The following CLRN1 variants were observed in gnomAD, a reference collection of about 807,000 sequenced individuals.
CLRN1 encodes clarin 1.
Under a neutral mutation model 18.7 loss-of-function variants are expected in CLRN1, and 15 were observed. The ratio of observed to expected loss-of-function variants is 0.80; its 90% CI spans 0.54 to 1.23. The LOEUF is 1.23. Among genes scored for constraint, CLRN1 ranks in the 50% most tolerant of loss-of-function variants. The pLI is 0.00. For missense variants in CLRN1, 311 were observed against 277.5 expected (o/e 1.12, Z -0.86); for synonymous variants, 104 against 102.9 (o/e 1.01, Z -0.07).
At chr3:150,943,162 C>A (rs1022459802) in intron 1 of CLRN1, among the ~76,000 whole-genome samples, 3 of 152,160 alleles carry the variant, frequency 2.0e-5, no homozygotes, top group Non-Finnish European at 4.4e-5. Context: ...GTATCAATGA[C>A]AGAAGTGTAG....
At chr3:150,937,836 G>A (rs1291496463) in intron 2 of CLRN1, among the ~76,000 whole-genome samples, 2 of 152,168 alleles carry the variant, frequency 1.3e-5, no homozygotes, top group African/African-American at 4.8e-5. Flanking sequence ...TTGCTGGCCT[G>A]GTCCAATGGG....
upstream of CLRN1, chr3:150,972,841 C>A (rs1383819329): frequency 8.0e-7 from 1 of 1,253,546 alleles, no homozygotes; most frequent in Non-Finnish European, 1.1e-6. Context: ...GCAACTTCAC[C>A]ATCGACGGTT....
chr3:150,946,365 C>A (rs1216422299), intron 1 of CLRN1, among the ~76,000 whole-genome samples: 1 of 152,162 alleles, frequency 6.6e-6, no homozygotes. Context: ...TTCATGTTCT[C>A]ACTCTTAACC....
At chr3:150,943,403 AGAG>A (rs1166210739) in intron 1 of CLRN1, among the ~76,000 whole-genome samples, 3 of 152,286 alleles carry the variant, frequency 2.0e-5, no homozygotes, top group South Asian at 4.1e-4. Context: ...CAGCCAGTAG[AGAG>A]GAGAAGTGGC....
Position 150,926,905 on chromosome 3 carries a change from A to G in CLRN1, c.*1031T>C, listed in dbSNP as rs1392704891. On this transcript the variant is annotated 3_prime_UTR_variant, in exon 3 of 3. Transcript: ENST00000327047. The stretch of plus-strand genomic sequence containing the variant: ...TCAATTTGATGGGTAATTCAGGGGA[A>G]AAAAAAAGTTGACCTGGGTCATGCT... 1.9e-6 allele frequency: 3 copies of G among 1,613,980 alleles called. No individual in the cohort carries two copies. The highest frequency in any genetic ancestry group is 1.7e-5 in the Admixed American group (1 of 59,988).
At chr3:150,937,367 G>A (rs1010960552) in intron 2 of CLRN1, among the ~76,000 whole-genome samples, 2 of 152,100 alleles carry the variant, frequency 1.3e-5, no homozygotes, top group African/African-American at 4.8e-5. Flanking sequence ...TGACAAATAC[G>A]TGAAATATAT....
rs1008007378 is a variant in CLRN1, at chr3:150,951,558, G to A, written c.254-9797C>T. The stretch of plus-strand genomic sequence containing the variant: ...TCACCATGTTGGCCAGGCTGGTCTC[G>A]AACTCCTGACCTCAAATCATCTTCC... On this transcript the variant is annotated intron_variant, in intron 1 of 2. Coordinates refer to ENST00000327047, the MANE Select transcript of CLRN1 (RefSeq NM_174878.3). Among the ~76,000 whole-genome samples, 19 of 152,134 alleles carry A rather than the reference G, an allele frequency of 1.2e-4. 1 individual carries two copies. Among genetic ancestry groups the A allele is most frequent in the African/African-American group, 4.3e-4 (18 of 41,518 alleles).
chr3:150,941,982 A>C (rs1234655133), intron 1 of CLRN1, among the ~76,000 whole-genome samples: 2 of 152,188 alleles, frequency 1.3e-5, no homozygotes, highest in African/African-American at 4.8e-5. Context: ...AGGAGATTTG[A>C]GGTAATTTAT....
downstream of CLRN1, chr3:150,926,401 T>A: frequency 3.2e-6 from 1 of 314,712 alleles, no homozygotes; most frequent in South Asian, 2.9e-5. Context: ...CTTGTCCTCC[T>A]AGCCCACTCA....
At chr3:150,958,960 T>C (rs1576642675) in intron 1 of CLRN1, among the ~76,000 whole-genome samples, 1 of 152,178 alleles carries the variant, frequency 6.6e-6, no homozygotes, top group Admixed American at 6.5e-5. Context: ...ACATTCCAGA[T>C]GGTGGCAGTA....
At chr3:150,967,600 C>A (rs1413935015) in intron 1 of CLRN1, among the ~76,000 whole-genome samples, 1 of 152,190 alleles carries the variant, frequency 6.6e-6, no homozygotes, top group East Asian at 1.9e-4. Flanking sequence ...CACCCCCATA[C>A]CTGCTTCCAC....
intron 1 of CLRN1, among the ~76,000 whole-genome samples, chr3:150,961,686 A>C (rs1480724320): frequency 6.6e-6 from 1 of 152,208 alleles, no homozygotes; most frequent in African/African-American, 2.4e-5. Context: ...CTTGGTGCTC[A>C]GCTATTCATT....
intron 1 of CLRN1, among the ~76,000 whole-genome samples, chr3:150,966,272 C>G (rs1715254521): frequency 6.6e-6 from 1 of 152,214 alleles, no homozygotes; most frequent in African/African-American, 2.4e-5. Context: ...TGTGATCACA[C>G]CACTGCACTC....
intron 1 of CLRN1, chr3:150,943,843 A>G (rs963890618): frequency 5.0e-6 from 8 of 1,614,088 alleles, no homozygotes; most frequent in Non-Finnish European, 6.8e-6. Flanking sequence ...CAGGGCCTGC[A>G]TGGAGTTTAC....
At chr3:150,948,465 C>T (rs1333136829) in intron 1 of CLRN1, among the ~76,000 whole-genome samples, 2 of 107,672 alleles carry the variant, frequency 1.9e-5, no homozygotes, top group Non-Finnish European at 3.3e-5. Context: ...GCCTGGGCGA[C>T]AGAGCGAGAC....
intron 2 of CLRN1, among the ~76,000 whole-genome samples, chr3:150,930,169 G>C (rs1713062477): frequency 6.6e-6 from 1 of 152,190 alleles, no homozygotes; most frequent in South Asian, 2.1e-4. Context: ...TTACTGAGAG[G>C]GTGGGCAGCA....
rs558382620 is a variant in CLRN1, at chr3:150,959,400, G to A, written c.253+13056C>T. Among the ~76,000 whole-genome samples, 37 of 152,210 alleles carry A rather than the reference G, an allele frequency of 2.4e-4. No homozygotes were observed. In the South Asian group the frequency reaches 6.9e-3, roughly 28 times the overall value. ...TCTCAGCACTTTGGGAGGCTGAGGC[G>A]GGTGGATCACCTGAGGCCAGGAGTT... On this transcript the variant is annotated intron_variant, in intron 1 of 2. Coordinates refer to ENST00000327047, the MANE Select transcript of CLRN1 (RefSeq NM_174878.3).
chr3:150,954,572 C>T (rs965005872), intron 1 of CLRN1, among the ~76,000 whole-genome samples: 1 of 152,178 alleles, frequency 6.6e-6, no homozygotes, highest in South Asian at 2.1e-4. Context: ...CTTGTATTTT[C>T]ATTCTCTTAT....
At position 150,961,067 on chromosome 3, in the gene CLRN1, G is replaced by A. The variant is rs369135944; in HGVS notation, c.253+11389C>T. On this transcript the variant is annotated intron_variant, in intron 1 of 2. Coordinates refer to ENST00000327047, the MANE Select transcript of CLRN1 (RefSeq NM_174878.3). ...CATTGCCCTGAGGCCAGGTGGCTGT[G>A]GACAAAGCATAAGACCTTCATGAAA... 6.6e-4 allele frequency among the ~76,000 whole-genome samples: 100 copies of A among 152,296 alleles called. 2 individuals carry two copies. Among genetic ancestry groups the A allele is most frequent in the African/African-American group, 2.3e-3 (94 of 41,550 alleles).
Sources: allele counts gnomAD v4.1 joint callset (sites outside exome capture counted in the v4.1 genomes callset), GRCh38; gene constraint gnomAD v4.1.1; transcripts MANE v1.5; gene names NCBI Gene and HGNC (gene_info 2026-07-23, HGNC 2026-07-21).